PCDHA1: variants seen among roughly 807,000 people sequenced by gnomAD.
PCDHA1 encodes protocadherin alpha-1.
In PCDHA1, 42 loss-of-function variants were observed where a neutral mutation model predicts 61.3. The observed-to-expected ratio is 0.69, with a 90% CI of 0.54 to 0.89. The LOEUF (loss-of-function observed/expected upper bound fraction) is 0.89, where lower values mean the gene tolerates loss of function less well. Among genes scored for constraint, PCDHA1 ranks in the 40% least tolerant of loss-of-function variants. The pLI, the probability that PCDHA1 is intolerant of heterozygous loss-of-function variation, is 0.00. For synonymous variants in PCDHA1, 610 were observed against 553.8 expected, an observed-to-expected ratio of 1.10 and a Z score of -1.43; for missense variants, 1,256 against 1,235.3, an observed-to-expected ratio of 1.02 and a Z score of -0.25.
At chr5:140,812,178 T>C (rs1354960271) in intron 1 of PCDHA1, 1 of 152,072 alleles carries the variant, frequency 6.6e-6, no homozygotes, top group Non-Finnish European at 1.5e-5. Context: ...AGGTTTGGAT[T>C]ACTGATTCAA....
At chr5:141,001,794 T>C (rs2098037139) in intron 3 of PCDHA1, among the ~76,000 whole-genome samples, 1 of 152,184 alleles carries the variant, frequency 6.6e-6, no homozygotes, top group Non-Finnish European at 1.5e-5. Flanking sequence ...CCTGAGTATA[T>C]ACTATCATTC....
At chr5:140,830,452 G>A (rs1771077963) in intron 1 of PCDHA1, 2 of 1,597,194 alleles carry the variant, frequency 1.3e-6, no homozygotes, top group African/African-American at 1.3e-5. Flanking sequence ...GTAAGGCGGA[G>A]AATCAGGATT....
chr5:140,965,928 C>T (rs2095948805), intron 1 of PCDHA1, among the ~76,000 whole-genome samples: 1 of 152,198 alleles, frequency 6.6e-6, no homozygotes, highest in South Asian at 2.1e-4. Flanking sequence ...GGCTTGCTCC[C>T]GGAAAGAGGG....
rs1006692100 is a variant in PCDHA1 at position 140,968,013 on chromosome 5, G to A, written c.2395-10936G>A. Reference sequence around the variant, plus strand: ...CTGCCTTTCCGACTGAATGGCTTTGGAAACTCCTATACACTGGTGGTGAGC... The same window carrying A: ...CTGCCTTTCCGACTGAATGGCTTTGAAAACTCCTATACACTGGTGGTGAGC... On this transcript the variant is annotated intron_variant, in intron 1 of 3. Coordinates refer to ENST00000504120, the MANE Select transcript of PCDHA1 (RefSeq NM_018900.4). 2.5e-6 allele frequency: 4 copies of A among 1,614,066 alleles called. No individual in the cohort carries two copies. The African/African-American group carries it at 4.0e-5, about 16-fold the overall frequency.
intron 1 of PCDHA1, among the ~76,000 whole-genome samples, chr5:140,947,889 A>G (rs1275614644): frequency 1.3e-5 from 2 of 151,626 alleles, no homozygotes; most frequent in Non-Finnish European, 3.0e-5. Flanking sequence ...CAATATAAAC[A>G]GAAGTGGTGA....
At chr5:140,929,424 A>G in intron 1 of PCDHA1, 1 of 1,496,380 alleles carries the variant, frequency 6.7e-7, no homozygotes, top group East Asian at 2.3e-5. Flanking sequence ...ACATTTCATC[A>G]ATTGAACTAA....
chr5:140,795,728 C>T (rs1761989970), intron 1 of PCDHA1: 1 of 1,613,976 alleles, frequency 6.2e-7, no homozygotes, highest in East Asian at 2.2e-5. Context: ...TTAGAGAATA[C>T]GGCAAATGGG....
chr5:140,939,349 TA>T (rs1233387801), intron 1 of PCDHA1, among the ~76,000 whole-genome samples: 4 of 152,154 alleles, frequency 2.6e-5, no homozygotes, highest in Admixed American at 6.5e-5. Context: ...CATTTCAACT[TA>T]TGATTGCAAA....
At chr5:140,902,051 A>G (rs998360115) in intron 1 of PCDHA1, among the ~76,000 whole-genome samples, 2 of 152,100 alleles carry the variant, frequency 1.3e-5, no homozygotes, top group African/African-American at 4.8e-5. Context: ...TTGATTTTGT[A>G]TCCTGCAACT....
At chr5:140,807,231 T>G in intron 1 of PCDHA1, 1 of 1,614,204 alleles carries the variant, frequency 6.2e-7, no homozygotes, top group Non-Finnish European at 8.5e-7. Flanking sequence ...CGGCGTCTGC[T>G]GCTCTTACTT....
At chr5:140,834,764 C>T (rs2150225831) in intron 1 of PCDHA1, 2 of 1,614,098 alleles carry the variant, frequency 1.2e-6, no homozygotes, top group East Asian at 2.2e-5. Flanking sequence ...AGGACATTAA[C>T]GACAACCCTC....
rs1554122535 is a variant in PCDHA1 at position 140,803,036 on chromosome 5, T to A, written c.2394+14352T>A. ...CGTGGCTTTCGTATGAGCTGCAGCC[T>A]GGGACCGGCGGTGCGCGCATCCCGT... On this transcript the variant is annotated intron_variant, in intron 1 of 3. Transcript: ENST00000504120. 2.5e-6 allele frequency: 4 copies of A among 1,614,018 alleles called. No homozygotes were observed. In the Admixed American group the frequency reaches 6.7e-5, roughly 27 times the overall value.
At chr5:140,820,794 G>T (rs1310374282) in intron 1 of PCDHA1, among the ~76,000 whole-genome samples, 2 of 151,976 alleles carry the variant, frequency 1.3e-5, no homozygotes, top group Admixed American at 6.5e-5. Flanking sequence ...AAGTACAAAG[G>T]TATGTATTTT....
chr5:140,997,357 A>G (rs1309712075), intron 3 of PCDHA1, among the ~76,000 whole-genome samples: 1 of 152,218 alleles, frequency 6.6e-6, no homozygotes, highest in Non-Finnish European at 1.5e-5. Flanking sequence ...ATGTACTTAC[A>G]TAAACCTAGA....
rs189949937 is a variant in PCDHA1 at position 140,920,653 on chromosome 5, T to C, written c.2395-58296T>C. On this transcript the variant is annotated intron_variant, in intron 1 of 3. Coordinates refer to ENST00000504120, the MANE Select transcript of PCDHA1 (RefSeq NM_018900.4). ...AAGGTCAAGAGATTGAGACCATCCT[T>C]GCCAACATGGTGAAACCCCATCTCT... is the stretch of plus-strand genomic sequence containing the variant. Among the ~76,000 whole-genome samples, 1,219 of 152,042 alleles carry C rather than the reference T, an allele frequency of 8.0e-3. 5 individuals carry two copies. Among genetic ancestry groups the C allele is most frequent in the African/African-American group, 0.019 (786 of 41,502 alleles).
At chr5:140,894,527 G>T (rs1184887485) in intron 1 of PCDHA1, among the ~76,000 whole-genome samples, 1 of 151,472 alleles carries the variant, frequency 6.6e-6, no homozygotes, top group African/African-American at 2.4e-5. Flanking sequence ...ATGCTGTTAT[G>T]TGCCTTCTGG....
chr5:140,794,105 G>C (rs1247356241), intron 1 of PCDHA1, among the ~76,000 whole-genome samples: 3 of 152,168 alleles, frequency 2.0e-5, no homozygotes, highest in African/African-American at 7.2e-5. Flanking sequence ...TCAAGAAATG[G>C]AAGCAACTCA....
intron 1 of PCDHA1, chr5:140,822,801 G>A (rs2150119424): frequency 1.2e-6 from 2 of 1,614,152 alleles, no homozygotes; most frequent in East Asian, 2.2e-5. Flanking sequence ...TCCTGGATGT[G>A]AATGATAATA....
intron 1 of PCDHA1, among the ~76,000 whole-genome samples, chr5:140,950,195 C>T (rs186601471): frequency 6.6e-6 from 1 of 152,028 alleles, no homozygotes; most frequent in South Asian, 2.1e-4. Flanking sequence ...AAAAAATAGT[C>T]ATTTCTGTTT....
Sources: allele counts gnomAD v4.1 joint callset (sites outside exome capture counted in the v4.1 genomes callset), GRCh38; gene constraint gnomAD v4.1.1; transcripts MANE v1.5; gene names NCBI Gene and HGNC (gene_info 2026-07-23, HGNC 2026-07-21).